Variants in GRID2 observed in about 807,000 individuals in gnomAD.
The protein encoded by GRID2 is glutamate ionotropic receptor delta type subunit 2.
Under a neutral mutation model 114.8 loss-of-function variants are expected in GRID2, and 33 were observed. The ratio of observed to expected loss-of-function variants is 0.29; its 90% CI spans 0.22 to 0.38. The LOEUF (loss-of-function observed/expected upper bound fraction) is 0.38. Ranked by LOEUF, GRID2 falls within the 10% of genes least tolerant of loss-of-function variation. The pLI, the probability that GRID2 is intolerant of heterozygous loss-of-function variation, is 1.00. For missense variants in GRID2, 1,184 were observed against 1,257.7 expected (o/e 0.94, Z 0.89); for synonymous variants, 505 against 449.9 (o/e 1.12, Z -1.55).
intron 2 of GRID2, among the ~76,000 whole-genome samples, chr4:92,760,799 A>G (rs1737971276): frequency 1.3e-5 from 2 of 152,174 alleles, no homozygotes. Context: ...CACATCTGCT[A>G]TTGGCAATGG....
chr4:92,331,160 T>C (rs1726865265), intron 1 of GRID2, among the ~76,000 whole-genome samples: 1 of 152,220 alleles, frequency 6.6e-6, no homozygotes, highest in Non-Finnish European at 1.5e-5. Flanking sequence ...TGTGTCAGAC[T>C]GACCTTGATT....
At chr4:92,545,940 C>T (rs1726232609) in intron 1 of GRID2, among the ~76,000 whole-genome samples, 3 of 152,100 alleles carry the variant, frequency 2.0e-5, no homozygotes, top group Non-Finnish European at 4.4e-5. Context: ...TATTTTTCCT[C>T]AATGCAACTT....
At chr4:92,501,150 T>G (rs953426626) in intron 1 of GRID2, among the ~76,000 whole-genome samples, 21 of 152,138 alleles carry the variant, frequency 1.4e-4, no homozygotes, top group African/African-American at 4.6e-4. Flanking sequence ...ATTCGGGAAT[T>G]CTCAATGATT....
At chr4:93,161,429 A>G (rs1737674300) in intron 4 of GRID2, among the ~76,000 whole-genome samples, 1 of 151,822 alleles carries the variant, frequency 6.6e-6, no homozygotes, top group Non-Finnish European at 1.5e-5. Flanking sequence ...TTTCTTAGGA[A>G]AGGCCTTAAT....
intron 2 of GRID2, among the ~76,000 whole-genome samples, chr4:92,613,013 G>C (rs766715903): frequency 2.0e-5 from 3 of 151,354 alleles, no homozygotes; most frequent in Non-Finnish European, 4.4e-5. Flanking sequence ...ATATTAGGTA[G>C]CAAGCATTTA....
chr4:92,751,204 T>A (rs1737440446), intron 2 of GRID2, among the ~76,000 whole-genome samples: 1 of 152,060 alleles, frequency 6.6e-6, no homozygotes, highest in African/African-American at 2.4e-5. Flanking sequence ...TTAAAATAAG[T>A]TAGGTGGTAA....
intron 2 of GRID2, among the ~76,000 whole-genome samples, chr4:92,782,978 C>G (rs972178641): frequency 6.6e-6 from 1 of 151,952 alleles, no homozygotes; most frequent in Non-Finnish European, 1.5e-5. Flanking sequence ...TTCTAAGGTA[C>G]TTTGAAAGCA....
At chr4:92,313,935 C>T (rs996767703) in intron 1 of GRID2, among the ~76,000 whole-genome samples, 2 of 151,970 alleles carry the variant, frequency 1.3e-5, no homozygotes, top group Admixed American at 6.6e-5. Context: ...GAAGGATTTC[C>T]TTTTACAGCT....
chr4:92,355,505 A>G lies in GRID2; in HGVS notation c.88+50761A>G, dbSNP rs576288172. Among the ~76,000 whole-genome samples, 7 of 151,962 alleles carry G rather than the reference A, an allele frequency of 4.6e-5. No homozygotes were observed. The East Asian group carries it at 1.2e-3, about 25-fold the overall frequency. On this transcript the variant is annotated intron_variant, in intron 1 of 15. Coordinates refer to ENST00000282020, the MANE Select transcript of GRID2 (RefSeq NM_001510.4). ...AAATTTCTTTTAGGGTGACTTTCATACTATGAAGAAAAAAAGGTCATAAGG... is the reference window on the plus strand; with the variant it reads ...AAATTTCTTTTAGGGTGACTTTCATGCTATGAAGAAAAAAAGGTCATAAGG...
At chr4:92,768,242 CAT>C (rs1179725994) in intron 2 of GRID2, among the ~76,000 whole-genome samples, 2 of 152,112 alleles carry the variant, frequency 1.3e-5, no homozygotes, top group African/African-American at 4.8e-5. Flanking sequence ...GTTCCTGTTA[CAT>C]ATGAGTGTTT....
At chr4:93,443,430 A>T (rs1175250481) in intron 10 of GRID2, among the ~76,000 whole-genome samples, 1 of 152,034 alleles carries the variant, frequency 6.6e-6, no homozygotes. Context: ...AAAAAAATAG[A>T]GCAATGAATA....
At chr4:92,954,438 A>T (rs1433674058) in intron 2 of GRID2, among the ~76,000 whole-genome samples, 2 of 151,132 alleles carry the variant, frequency 1.3e-5, no homozygotes, top group Non-Finnish European at 3.0e-5. Context: ...ATTTTATTTT[A>T]TTTTTTGAGA....
At chr4:93,229,803 G>A (rs1387225797) in intron 7 of GRID2, among the ~76,000 whole-genome samples, 3 of 151,996 alleles carry the variant, frequency 2.0e-5, no homozygotes, top group Non-Finnish European at 2.9e-5. Context: ...AATGGGCAAG[G>A]TTTCTGTTTC....
intron 14 of GRID2, among the ~76,000 whole-genome samples, chr4:93,662,273 C>T (rs949597603): frequency 8.5e-5 from 13 of 152,296 alleles, no homozygotes; most frequent in African/African-American, 3.1e-4. Context: ...TGGTTCTCTT[C>T]ATCCCTCTTT....
At chr4:93,167,754 A>G (rs1038380897) in intron 4 of GRID2, among the ~76,000 whole-genome samples, 3 of 151,066 alleles carry the variant, frequency 2.0e-5, no homozygotes, top group African/African-American at 7.4e-5. Context: ...AAACTTGATG[A>G]TATTAAGAAA....
intron 2 of GRID2, among the ~76,000 whole-genome samples, chr4:92,902,939 G>A (rs1269357703): frequency 6.6e-6 from 1 of 151,876 alleles, no homozygotes; most frequent in South Asian, 2.1e-4. Context: ...CCAGTACCAT[G>A]CTATTTTGGT....
intron 2 of GRID2, among the ~76,000 whole-genome samples, chr4:92,790,163 T>C (rs764060950): frequency 2.6e-5 from 4 of 151,822 alleles, no homozygotes; most frequent in Non-Finnish European, 4.4e-5. Context: ...TATAAGTATA[T>C]ACACATCTAA....
chr4:92,787,357 G>T (rs1459523265), intron 2 of GRID2, among the ~76,000 whole-genome samples: 1 of 151,884 alleles, frequency 6.6e-6, no homozygotes, highest in Non-Finnish European at 1.5e-5. Context: ...AGTCCTAGGG[G>T]TTCCAGGAAT....
intron 1 of GRID2, among the ~76,000 whole-genome samples, chr4:92,445,692 A>G (rs1733420785): frequency 6.6e-6 from 1 of 152,192 alleles, no homozygotes. Context: ...AGGGATTATG[A>G]TACAGACTAG....
Sources: allele counts gnomAD v4.1 joint callset (sites outside exome capture counted in the v4.1 genomes callset), GRCh38; gene constraint gnomAD v4.1.1; transcripts MANE v1.5; gene names NCBI Gene and HGNC (gene_info 2026-07-23, HGNC 2026-07-21).